NBN: variants seen among roughly 807,000 people sequenced by gnomAD.
The protein encoded by NBN is nibrin, also known as Nijmegen breakage syndrome 1 (nibrin).
A neutral mutation model predicts 90.8 loss-of-function variants in NBN; 88 were observed. The observed-to-expected ratio is 0.97, with a 90% CI of 0.82 to 1.16. The LOEUF is 1.16. Among genes scored for constraint, NBN ranks in the 50% most tolerant of loss-of-function variants. The pLI, the probability that NBN is intolerant of heterozygous loss-of-function variation, is 0.00. For missense variants in NBN, 894 were observed against 869.6 expected (o/e 1.03, Z -0.35); for synonymous variants, 328 against 295.1 (o/e 1.11, Z -1.14).
intron 11 of NBN, 78 bp from the exon 12 acceptor site, chr8:89,947,970 T>C: frequency 1.2e-6 from 1 of 835,700 alleles, no homozygotes; most frequent in Non-Finnish European, 1.9e-6. Context: ...GCCTTTTGAA[T>C]AAGATGAAGT....
chr8:89,956,323 GT>G (rs1810715927), intron 9 of NBN, among the ~76,000 whole-genome samples: 1 of 151,654 alleles, frequency 6.6e-6, no homozygotes, highest in Non-Finnish European at 1.5e-5. Context: ...AATAAATAAG[GT>G]TTAATACAGT....
rs749263651 is a variant in NBN at position 89,982,837 on chromosome 8, A to C, written c.56T>G (p.Leu19Trp). 1 of 1,613,690 alleles carries C rather than the reference A, an allele frequency of 6.2e-7. No individual in the cohort carries two copies. Among genetic ancestry groups the C allele is most frequent in the Non-Finnish European group, 8.5e-7 (1 of 1,179,660 alleles). The change falls in exon 2 of 16, where the codon TTG (leucine) becomes TGG (tryptophan). Residue 19 changes from leucine to tryptophan, a missense_variant. Physicochemically the swap from Leu to Trp is moderately conservative, Grantham distance 61 (BLOSUM62 -2). Transcript: ENST00000265433. ...TCCAACAACGTACTCAACGCCAGTC[A>C]AAAGTCTGTATGGTTCTCCTGAGAT... is the stretch of plus-strand genomic sequence containing the variant. ...GPAGGEPYRL[L>W]TGVEYVVGRK...
chr8:89,950,808 A>G (rs1810411804), intron 11 of NBN, among the ~76,000 whole-genome samples: 1 of 152,196 alleles, frequency 6.6e-6, no homozygotes, highest in African/African-American at 2.4e-5. Context: ...TATAGTGCTC[A>G]GTTCTTGTCT....
chr8:89,975,902 C>T (rs1008154591), intron 5 of NBN, among the ~76,000 whole-genome samples: 1 of 152,190 alleles, frequency 6.6e-6, no homozygotes, highest in Non-Finnish European at 1.5e-5. Flanking sequence ...TATGTACTTC[C>T]TCAGGGAGGT....
intron 7 of NBN, among the ~76,000 whole-genome samples, chr8:89,969,503 G>A (rs1811406148): frequency 6.6e-6 from 1 of 152,068 alleles, no homozygotes; most frequent in Non-Finnish European, 1.5e-5. Flanking sequence ...ACACTACTTT[G>A]TTAATTTACA....
intron 7 of NBN, among the ~76,000 whole-genome samples, chr8:89,968,993 A>C (rs1295456407): frequency 1.3e-5 from 2 of 152,228 alleles, no homozygotes; most frequent in Non-Finnish European, 2.9e-5. Context: ...AGATGACTAA[A>C]ATTTTACTTT....
At chr8:89,971,450 G>C (rs1811516105) in intron 5 of NBN, 160 bp from the exon 6 acceptor site, 1 of 478,184 alleles carries the variant, frequency 2.1e-6, no homozygotes, top group Middle Eastern at 1.1e-3. Context: ...ATGACAAAAA[G>C]CATCTAATCG....
At position 89,982,748 on chromosome 8, in the gene NBN, T is replaced by G. The variant is rs1064794807; in HGVS notation, c.145A>C (p.Thr49Pro). ...AGGTTGGTTACAGAAAAGTTAGCAG[T>G]TAACACAGCATGATTTCGGCTGATC... ...QSISRNHAVL[T>P]ANFSVTNLSQ... is the part of the protein sequence containing the mutation. The change falls in exon 2 of 16, where the codon ACT (threonine) becomes CCT (proline). Residue 49 changes from threonine (T) to proline (P), a missense_variant. Transcript: ENST00000265433. 2 of 1,614,022 alleles carry G rather than the reference T, an allele frequency of 1.2e-6. No individual in the cohort carries two copies. Among genetic ancestry groups the G allele is most frequent in the Non-Finnish European group, 1.7e-6 (2 of 1,179,954 alleles).
At chr8:89,981,242 A>T in intron 3 of NBN, 133 bp downstream of exon 3, 1 of 973,082 alleles carries the variant, frequency 1.0e-6, no homozygotes. Flanking sequence ...CACCCATGGC[A>T]CAGAGTCCAA....
chr8:89,967,335 T>G (rs1245881449), intron 7 of NBN, among the ~76,000 whole-genome samples: 2 of 152,216 alleles, frequency 1.3e-5, no homozygotes, highest in Non-Finnish European at 2.9e-5. Flanking sequence ...CCCACAACTG[T>G]AAACTGGATT....
chr8:89,952,187 C>G (rs1810475150), intron 11 of NBN, among the ~76,000 whole-genome samples: 1 of 152,146 alleles, frequency 6.6e-6, no homozygotes, highest in African/African-American at 2.4e-5. Context: ...AAAAAAGATC[C>G]TATTTTACGG....
chr8:89,945,098 G>A (rs956136673), intron 13 of NBN, among the ~76,000 whole-genome samples: 2 of 152,246 alleles, frequency 1.3e-5, no homozygotes, highest in African/African-American at 4.8e-5. Context: ...AAACCACTCT[G>A]TGCCAGTAGT....
chr8:89,978,833 A>G (rs1306453499), intron 4 of NBN, among the ~76,000 whole-genome samples: 1 of 152,234 alleles, frequency 6.6e-6, no homozygotes, highest in Non-Finnish European at 1.5e-5. Context: ...AAAGCACAAA[A>G]TAAGTACATA....
intron 10 of NBN, 64 bp downstream of exon 10, chr8:89,955,219 T>C: frequency 1.4e-6 from 2 of 1,480,478 alleles, no homozygotes; most frequent in Non-Finnish European, 1.9e-6. Context: ...AATACCATTC[T>C]ACAACAGTAT....
rs1255849692 is a variant in NBN, at chr8:89,934,428, C to T, written c.*1154G>A. The T allele has an allele frequency of 4.3e-6, 1 of 233,012 alleles. No individual in the cohort carries two copies. Among genetic ancestry groups the T allele is most frequent in the African/African-American group, 2.2e-5 (1 of 45,328 alleles). The allele number at this position is 233,012 out of a possible 1,614,324, so 14.4% of individuals were successfully genotyped here. A position where few individuals can be genotyped will look rare whatever the true frequency, so the allele number is the denominator to read the frequency against. On this transcript the variant is annotated 3_prime_UTR_variant, in exon 16 of 16. Transcript: ENST00000265433. ...TAAAAAAAGACCTTCATTTCCCTAACTCCCTTGCAGCTGGAGTTCCACCTG... is the reference window on the plus strand; with the variant it reads ...TAAAAAAAGACCTTCATTTCCCTAATTCCCTTGCAGCTGGAGTTCCACCTG...
chr8:89,970,314 C>T, intron 7 of NBN, 50 bp downstream of exon 7: 1 of 1,461,204 alleles, frequency 6.8e-7, no homozygotes, highest in Non-Finnish European at 9.5e-7. Context: ...AAAGGTTAAA[C>T]ATAAAATCTC....
intron 5 of NBN, among the ~76,000 whole-genome samples, chr8:89,972,309 C>T (rs897085059): frequency 6.6e-6 from 1 of 152,152 alleles, no homozygotes; most frequent in Non-Finnish European, 1.5e-5. Flanking sequence ...ATAACTGATG[C>T]ATGTATTTTA....
chr8:89,951,251 G>A (rs1266052414), intron 11 of NBN, among the ~76,000 whole-genome samples: 1 of 148,144 alleles, frequency 6.8e-6, no homozygotes, highest in Non-Finnish European at 1.5e-5. Context: ...GGCGGAGCTT[G>A]CAGTGAGCGG....
At position 89,950,062 on chromosome 8, in the gene NBN, G is replaced by A. The variant is rs150545929; in HGVS notation, c.1846-2170C>T. Among the ~76,000 whole-genome samples, 703 of 152,288 alleles carry A rather than the reference G, an allele frequency of 4.6e-3. 5 individuals are homozygous for A. The highest frequency in any genetic ancestry group is 7.9e-3 in the Non-Finnish European group (536 of 68,016). ...TCAGGGGAAATTAGATAAAGGGTTCGCTGCATGTGGACAAACAATTGTCTC... is the reference window on the plus strand; with the variant it reads ...TCAGGGGAAATTAGATAAAGGGTTCACTGCATGTGGACAAACAATTGTCTC... On this transcript the variant is annotated intron_variant, in intron 11 of 15. Transcript: ENST00000265433.
Sources: allele counts gnomAD v4.1 joint callset (sites outside exome capture counted in the v4.1 genomes callset), GRCh38; gene constraint gnomAD v4.1.1; transcripts MANE v1.5; gene names NCBI Gene and HGNC (gene_info 2026-07-23, HGNC 2026-07-21).